The following NBEA variants were observed in gnomAD, a reference collection of about 807,000 sequenced individuals.
NBEA encodes the protein lysosomal-trafficking regulator 2.
Under a neutral mutation model 343.4 loss-of-function variants are expected in NBEA, and 44 were observed. The ratio of observed to expected loss-of-function variants is 0.13; its 90% confidence interval spans 0.10 to 0.16. NBEA has a LOEUF of 0.16. Among genes scored for constraint, NBEA ranks in the 10% least tolerant of loss-of-function variants. NBEA has a pLI of 1.00. For missense variants in NBEA, 2,555 were observed against 3,631.3 expected (o/e 0.70, Z 7.62); for synonymous variants, 1,175 against 1,238.7 (o/e 0.95, Z 1.08).
intron 41 of NBEA, among the ~76,000 whole-genome samples, chr13:35,507,948 A>G (rs1286711827): frequency 2.0e-5 from 3 of 152,180 alleles, no homozygotes; most frequent in African/African-American, 7.2e-5. Flanking sequence ...TTTCTTTTAT[A>G]TTAATTGCTG....
At chr13:35,219,525 A>T (rs980715181) in intron 33 of NBEA, among the ~76,000 whole-genome samples, 3 of 152,152 alleles carry the variant, frequency 2.0e-5, no homozygotes, top group African/African-American at 7.2e-5. Context: ...ATTAAATAGG[A>T]TGTTTACATT....
intron 1 of NBEA, among the ~76,000 whole-genome samples, chr13:34,976,841 C>T (rs2060194537): frequency 6.6e-6 from 1 of 151,568 alleles, no homozygotes; most frequent in Admixed American, 6.6e-5. Context: ...TCTCGTAAAC[C>T]ATTCTGTGCT....
At chr13:35,593,513 G>A (rs2081628553) in intron 47 of NBEA, 66 bp downstream of exon 47, 8 of 1,343,826 alleles carry the variant, frequency 6.0e-6, no homozygotes, top group Non-Finnish European at 8.3e-6. Flanking sequence ...ATTTTTTTAA[G>A]TGGGTATGTA....
At chr13:35,170,975 CTAAA>C in intron 25 of NBEA, 1 of 422,242 alleles carries the variant, frequency 2.4e-6, no homozygotes, top group South Asian at 2.2e-5. Flanking sequence ...GTGGTTCTGT[CTAAA>C]TATCTTTGTG....
At chr13:35,126,222 C>T (rs1303603118) in intron 17 of NBEA, among the ~76,000 whole-genome samples, 1 of 152,092 alleles carries the variant, frequency 6.6e-6, no homozygotes, top group African/African-American at 2.4e-5. Context: ...CTCCATCTTC[C>T]TGCCCTGTGA....
rs548236303 is a variant in NBEA, at chr13:35,568,482, T to C, written c.7035+1465T>C. On this transcript the variant is annotated intron_variant, in intron 45 of 58. Coordinates refer to ENST00000379939, the MANE Select transcript of NBEA (RefSeq NM_001385012.1). The stretch of plus-strand genomic sequence containing the variant: ...GGTAACTAAATTATTTAAGATAAGG[T>C]AGATAGAAGCATTGTAATTCATGCA... Among the ~76,000 whole-genome samples the C allele has an allele frequency of 1.8e-4, 27 of 152,230 alleles. No homozygotes were observed. The South Asian group carries it at 4.2e-3, about 23-fold the overall frequency.
At chr13:35,475,467 C>G (rs577985182) in intron 41 of NBEA, 32 of 1,612,596 alleles carry the variant, frequency 2.0e-5, no homozygotes, top group South Asian at 1.9e-4. Flanking sequence ...CGCTCTCCGC[C>G]GAGCTCTGCT....
At chr13:34,946,592 A>T (rs920594132) in intron 1 of NBEA, among the ~76,000 whole-genome samples, 4 of 151,694 alleles carry the variant, frequency 2.6e-5, no homozygotes, top group Non-Finnish European at 5.9e-5. Flanking sequence ...GAATAACTGA[A>T]TTCATGAAAT....
chr13:35,367,069 A>G (rs1028313891), intron 38 of NBEA, among the ~76,000 whole-genome samples: 23 of 151,482 alleles, frequency 1.5e-4, no homozygotes, highest in South Asian at 6.2e-4. Context: ...GATACATTCT[A>G]AATACTAAAA....
intron 1 of NBEA, among the ~76,000 whole-genome samples, chr13:35,008,135 T>A (rs2152530472): frequency 6.6e-6 from 1 of 152,306 alleles, no homozygotes; most frequent in African/African-American, 2.4e-5. Context: ...TTTGAAGTTG[T>A]GCCTGGTCTC....
intron 38 of NBEA, among the ~76,000 whole-genome samples, chr13:35,392,446 C>T (rs1173804882): frequency 4.0e-5 from 6 of 150,446 alleles, no homozygotes; most frequent in African/African-American, 1.2e-4. Flanking sequence ...TAAAACCTAA[C>T]TTGAGCCAGT....
chr13:35,232,073 T>A (rs922343409), intron 33 of NBEA, among the ~76,000 whole-genome samples: 2 of 152,186 alleles, frequency 1.3e-5, no homozygotes, highest in Non-Finnish European at 2.9e-5. Context: ...TTCCCTTATT[T>A]GTCCAGATTT....
chr13:35,263,945 A>G (rs1399545632), intron 34 of NBEA, among the ~76,000 whole-genome samples: 3 of 151,944 alleles, frequency 2.0e-5, no homozygotes, highest in Non-Finnish European at 1.5e-5. Context: ...TAGATGAAAT[A>G]GAGACTAGAA....
intron 41 of NBEA, among the ~76,000 whole-genome samples, chr13:35,537,979 C>T (rs1031590612): frequency 6.6e-6 from 1 of 152,140 alleles, no homozygotes; most frequent in Admixed American, 6.5e-5. Flanking sequence ...CTCTTCAGGC[C>T]GTCTCTGAAT....
At chr13:35,282,664 A>G (rs2035132710) in intron 34 of NBEA, among the ~76,000 whole-genome samples, 1 of 152,208 alleles carries the variant, frequency 6.6e-6, no homozygotes, top group Admixed American at 6.5e-5. Flanking sequence ...CACTCAGGTC[A>G]GTCACCTTCT....
chr13:35,340,224 C>A (rs955325208), intron 36 of NBEA, among the ~76,000 whole-genome samples: 5 of 152,006 alleles, frequency 3.3e-5, no homozygotes, highest in Non-Finnish European at 7.4e-5. Flanking sequence ...GTTAAAGCAA[C>A]CAAAATGCCC....
chr13:35,406,050 C>G (rs1159322642), intron 38 of NBEA, among the ~76,000 whole-genome samples: 2 of 152,146 alleles, frequency 1.3e-5, no homozygotes, highest in East Asian at 1.9e-4. Context: ...AAGGCTGAGT[C>G]AGAAAAAGAG....
intron 16 of NBEA, among the ~76,000 whole-genome samples, chr13:35,120,333 A>G (rs1165541909): frequency 6.6e-6 from 1 of 152,176 alleles, no homozygotes; most frequent in African/African-American, 2.4e-5. Flanking sequence ...TGAGCAGAAC[A>G]TGTCAGATTG....
intron 10 of NBEA, among the ~76,000 whole-genome samples, chr13:35,088,954 C>T (rs2064920463): frequency 7.3e-6 from 1 of 136,842 alleles, no homozygotes; most frequent in Non-Finnish European, 1.6e-5. Flanking sequence ...ACCATAAAAA[C>T]CCTAGAAGAA....
Sources: gnomAD v4.1 joint callset for allele counts (sites outside exome capture counted in the v4.1 genomes callset) on GRCh38, gnomAD v4.1.1 for gene constraint, MANE v1.5 for transcripts, NCBI Gene and HGNC (gene_info 2026-07-23, HGNC 2026-07-21) for gene names.